ERGIC1: variants seen among roughly 807,000 people sequenced by gnomAD.
ERGIC1 encodes endoplasmic reticulum-Golgi intermediate compartment protein 1.
A neutral mutation model predicts 38.3 loss-of-function variants in ERGIC1; 19 were observed. That is an observed-to-expected ratio of 0.50 (90% confidence interval 0.35 to 0.73). ERGIC1 has a LOEUF of 0.73. Among genes scored for constraint, ERGIC1 ranks in the 30% least tolerant of loss-of-function variants. The pLI, the probability that ERGIC1 is intolerant of heterozygous loss-of-function variation, is 0.01. For synonymous variants in ERGIC1, 124 were observed against 157.6 expected (o/e 0.79, Z 1.60); for missense variants, 294 against 389.2 (o/e 0.76, Z 2.06).
chr5:172,898,934 G>A lies in ERGIC1; in HGVS notation c.155+1860G>A, dbSNP rs111548301. ...AATCAGAGCTCGAAGCAGGGAGAGCGGCAAGAGGTTGAGACTTGCTAATGT... is the reference window on the plus strand; with the variant it reads ...AATCAGAGCTCGAAGCAGGGAGAGCAGCAAGAGGTTGAGACTTGCTAATGT... On this transcript the variant is annotated intron_variant, in intron 3 of 9. Coordinates refer to ENST00000393784, the MANE Select transcript of ERGIC1 (RefSeq NM_001031711.3). Among the ~76,000 whole-genome samples the A allele has an allele frequency of 1.1e-3, 162 of 152,276 alleles. 2 individuals are homozygous for A. Among genetic ancestry groups the A allele is most frequent in the Admixed American group, 2.6e-3 (39 of 15,290 alleles).
intron 1 of ERGIC1, among the ~76,000 whole-genome samples, chr5:172,845,656 A>G (rs1413057568): frequency 6.6e-6 from 1 of 152,186 alleles, no homozygotes; most frequent in Admixed American, 6.5e-5. Context: ...TTTTAACTAA[A>G]TACACTTTTT....
intron 1 of ERGIC1, among the ~76,000 whole-genome samples, chr5:172,868,541 G>A (rs1207159310): frequency 1.3e-5 from 2 of 152,222 alleles, no homozygotes; most frequent in Admixed American, 6.5e-5. Flanking sequence ...GGTTGCCAGG[G>A]GTTGCGGGAG....
chr5:172,929,027 T>C (rs112405850), intron 7 of ERGIC1, among the ~76,000 whole-genome samples: 75 of 152,320 alleles, frequency 4.9e-4, no homozygotes, highest in South Asian at 4.3e-3. Context: ...GGAGAAACTT[T>C]CCTATATCAA....
chr5:172,855,012 C>G (rs1475030836), intron 1 of ERGIC1, among the ~76,000 whole-genome samples: 2 of 152,180 alleles, frequency 1.3e-5, no homozygotes, highest in African/African-American at 4.8e-5. Context: ...CCACCTGGGA[C>G]TCACACAGGT....
intron 1 of ERGIC1, among the ~76,000 whole-genome samples, chr5:172,858,768 A>G (rs369961140): frequency 1.3e-5 from 2 of 152,204 alleles, no homozygotes; most frequent in Admixed American, 1.3e-4. Flanking sequence ...GCTGTTGTCC[A>G]CAGAAAGAAA....
intron 1 of ERGIC1, among the ~76,000 whole-genome samples, chr5:172,874,280 C>T (rs527406488): frequency 2.6e-5 from 4 of 152,080 alleles, no homozygotes; most frequent in South Asian, 2.1e-4. Context: ...GGGGTTTTAC[C>T]GTGTTGGCCA....
intron 9 of ERGIC1, among the ~76,000 whole-genome samples, chr5:172,949,706 C>T (rs564741399): frequency 1.3e-4 from 20 of 151,762 alleles, no homozygotes; most frequent in African/African-American, 4.6e-4. Flanking sequence ...GATGCTAAAT[C>T]CTTCTGCAAA....
intron 2 of ERGIC1, among the ~76,000 whole-genome samples, chr5:172,891,737 G>A (rs897322414): frequency 6.6e-6 from 1 of 152,156 alleles, no homozygotes; most frequent in Non-Finnish European, 1.5e-5. Flanking sequence ...ACTGCACCTG[G>A]CCTATTTAGG....
At chr5:172,927,364 A>T (rs1434123366) in intron 7 of ERGIC1, among the ~76,000 whole-genome samples, 4 of 152,078 alleles carry the variant, frequency 2.6e-5, no homozygotes, top group African/African-American at 9.7e-5. Flanking sequence ...CAAAGAAAAC[A>T]TCCCTCTGTG....
intron 1 of ERGIC1, among the ~76,000 whole-genome samples, chr5:172,868,148 C>T (rs11134763): frequency 0.14 from 21,185 of 152,266 alleles, 1,892 homozygotes; most frequent in East Asian, 0.37. Context: ...TGGGAGCTGC[C>T]ATTCAAGCCT....
At chr5:172,875,091 G>A (rs997220169) in intron 1 of ERGIC1, among the ~76,000 whole-genome samples, 9 of 152,178 alleles carry the variant, frequency 5.9e-5, no homozygotes, top group African/African-American at 2.2e-4. Flanking sequence ...CTGTTGAGTG[G>A]CAGAAAGTCA....
intron 3 of ERGIC1, among the ~76,000 whole-genome samples, chr5:172,908,308 G>GAA (rs1325065037): frequency 2.8e-4 from 1 of 3,544 alleles, no homozygotes; most frequent in Non-Finnish European, 1.2e-3. Flanking sequence ...GGCGGGGGCG[G>GAA]GGGGGGGGGG....
intron 1 of ERGIC1, among the ~76,000 whole-genome samples, chr5:172,888,391 C>T (rs1376207679): frequency 6.6e-6 from 1 of 151,770 alleles, no homozygotes; most frequent in Admixed American, 6.6e-5. Context: ...ACCTGGGAGG[C>T]AGAGGTTGCA....
chr5:172,926,683 AG>A lies in ERGIC1; in HGVS notation c.541+116del, dbSNP rs1423227908. The A allele has an allele frequency of 5.9e-6, 7 of 1,186,610 alleles. No individual in the cohort carries two copies. The highest frequency in any genetic ancestry group is 8.6e-6 in the Non-Finnish European group (7 of 816,396). The allele number at this position is 1,186,610 out of a possible 1,614,324, so 73.5% of individuals were successfully genotyped here. ...GTCCAGCACCCACTCCAAGGCAGGG[AG>A]GCTGCTGCTCACACTCCATTCCCAC... On this transcript the variant is annotated intron_variant, in intron 7 of 9. Coordinates refer to ENST00000393784, the MANE Select transcript of ERGIC1 (RefSeq NM_001031711.3). The surrounding 1 kb of genome is among the most constrained non-coding windows in gnomAD (Gnocchi z 5.2).
chr5:172,894,195 C>CTTT (rs34730943), intron 2 of ERGIC1, among the ~76,000 whole-genome samples: 11 of 35,742 alleles, frequency 3.1e-4, no homozygotes, highest in Non-Finnish European at 4.5e-4. Flanking sequence ...ACAACTTTTT[C>CTTT]TTTTTTTTTT....
chr5:172,935,037 A>G, intron 8 of ERGIC1, 151 bp from the exon 9 acceptor site: 1 of 1,098,784 alleles, frequency 9.1e-7, no homozygotes, highest in South Asian at 1.4e-5. Flanking sequence ...AGGGGAAGGG[A>G]TGTGAGAGAG....
At chr5:172,912,413 A>G (rs1763229184) in intron 4 of ERGIC1, among the ~76,000 whole-genome samples, 1 of 151,192 alleles carries the variant, frequency 6.6e-6, no homozygotes, top group Non-Finnish European at 1.5e-5. Context: ...TTTGAGACAG[A>G]GTCTCACACT....
At chr5:172,887,640 C>G (rs374465197) in intron 1 of ERGIC1, among the ~76,000 whole-genome samples, 2 of 152,206 alleles carry the variant, frequency 1.3e-5, no homozygotes, top group East Asian at 3.8e-4. Context: ...AAACCTGTGT[C>G]TGTCTGATTT....
At chr5:172,944,137 T>TGGAGCTGTGGCTGCTGCCC (rs2113488582) in intron 9 of ERGIC1, among the ~76,000 whole-genome samples, 1 of 152,354 alleles carries the variant, frequency 6.6e-6, no homozygotes, top group African/African-American at 2.4e-5. Context: ...TTTTTGTTTC[T>TGGAGCTGTGGCTGCTGCCC]GGAGCTGTGG....
Sources: gnomAD v4.1 joint callset for allele counts (sites outside exome capture counted in the v4.1 genomes callset) on GRCh38, gnomAD v4.1.1 for gene constraint, Gnocchi (gnomAD v3.1) non-coding constraint, MANE v1.5 for transcripts, NCBI Gene and HGNC (gene_info 2026-07-23, HGNC 2026-07-21) for gene names.